Variants in CRACD observed in about 807,000 individuals in gnomAD.
CRACD encodes capping protein inhibiting regulator of actin dynamics.
A neutral mutation model predicts 106.8 loss-of-function variants in CRACD; 56 were observed. The ratio of observed to expected loss-of-function variants is 0.52; its 90% CI spans 0.42 to 0.66. The LOEUF (loss-of-function observed/expected upper bound fraction) is 0.66, where lower values mean the gene tolerates loss of function less well. Ranked by LOEUF, CRACD falls within the 30% of genes least tolerant of loss-of-function variation. The pLI, the probability that CRACD is intolerant of heterozygous loss-of-function variation, is 0.00. For missense variants in CRACD, 1,730 were observed against 1,623.2 expected (o/e 1.07, Z -1.13); for synonymous variants, 754 against 670.8 (o/e 1.12, Z -1.92).
rs1352382210 is a variant in CRACD at position 56,316,485 on chromosome 4, A to T, written c.2983A>T (p.Arg995Trp). ...LVELLSRRAG[R>W]PDPEPSEPSK... is the part of the protein sequence containing the mutation. ...AGAGCTGCTGTCTCGCCGAGCGGGG[A>T]GGCCGGACCCAGAGCCAAGTGAGCC... Residue 995 changes from arginine to tryptophan, a missense_variant, in exon 8 of 11, where the codon AGG becomes TGG. This residue lies in a region of CRACD where 1,620 missense variants were observed against 1,481.6 expected (regional missense o/e 1.09). Transcript: ENST00000682029. 1 of 1,613,858 alleles carries T rather than the reference A, an allele frequency of 6.2e-7. No individual in the cohort carries two copies. The highest frequency in any genetic ancestry group is 8.5e-7 in the Non-Finnish European group (1 of 1,179,816).
At chr4:56,243,956 C>G (rs899557150) in intron 2 of CRACD, among the ~76,000 whole-genome samples, 3 of 152,156 alleles carry the variant, frequency 2.0e-5, no homozygotes, top group Non-Finnish European at 4.4e-5. Context: ...TGGAACCATG[C>G]TTCTACTCTC....
intron 1 of CRACD, among the ~76,000 whole-genome samples, chr4:56,082,423 A>G (rs1261230860): frequency 6.6e-6 from 1 of 152,202 alleles, no homozygotes; most frequent in Admixed American, 6.5e-5. Context: ...TATGTTTTCA[A>G]ATTTCATTCT....
At chr4:56,204,254 T>TC in intron 2 of CRACD, among the ~76,000 whole-genome samples, 1 of 152,366 alleles carries the variant, frequency 6.6e-6, no homozygotes, top group Middle Eastern at 3.4e-3. Context: ...AGACTCTCCT[T>TC]CTGTTTTTCC....
Position 56,307,541 on chromosome 4 carries a change from T to C in CRACD, c.127T>C (p.Leu43=), listed in dbSNP as rs749499831. ...LGKVKTLQQQ[L]GKNIKFGQRS... ...TTCTTCTGTTTCTCTCCAGCAACAG[T>C]TGGGCAAGAATATCAAGTTTGGGCA... is the stretch of plus-strand genomic sequence containing the variant. The change falls in exon 5 of 11, where the codon TTG becomes CTG. Residue 43 remains leucine (L), a synonymous_variant. Coordinates refer to ENST00000682029, the MANE Select transcript of CRACD (RefSeq NM_001393381.1). The C allele has an allele frequency of 6.2e-6, 10 of 1,613,992 alleles. No homozygotes were observed. The highest frequency in any genetic ancestry group is 3.3e-5 in the South Asian group (3 of 91,062).
At chr4:56,297,259 G>A (rs886563026) in intron 3 of CRACD, among the ~76,000 whole-genome samples, 1 of 152,032 alleles carries the variant, frequency 6.6e-6, no homozygotes, top group African/African-American at 2.4e-5. Flanking sequence ...CATTTCACAC[G>A]GCTTATACCT....
At chr4:56,295,539 T>C (rs1743957187) in intron 3 of CRACD, among the ~76,000 whole-genome samples, 1 of 151,640 alleles carries the variant, frequency 6.6e-6, no homozygotes, top group Non-Finnish European at 1.5e-5. Context: ...TCTTAGCCTA[T>C]GTGGAAAAAT....
intron 2 of CRACD, among the ~76,000 whole-genome samples, chr4:56,223,548 T>A (rs1739157061): frequency 6.6e-6 from 1 of 152,190 alleles, no homozygotes; most frequent in Admixed American, 6.5e-5. Flanking sequence ...CTGGTGTGAG[T>A]GTGGTTCCAA....
chr4:56,280,283 T>TA (rs1410514955), intron 3 of CRACD, among the ~76,000 whole-genome samples: 3 of 151,474 alleles, frequency 2.0e-5, no homozygotes, highest in Non-Finnish European at 4.4e-5. Context: ...CCCTAAAACT[T>TA]AAAGTATAAT....
chr4:56,203,243 G>A lies in CRACD; in HGVS notation c.-189+23813G>A, dbSNP rs17086445. Among the ~76,000 whole-genome samples the A allele has an allele frequency of 8.4e-3, 1,282 of 152,304 alleles. 15 individuals carry two copies. The highest frequency in any genetic ancestry group is 0.028 in the African/African-American group (1,177 of 41,554). On this transcript the variant is annotated intron_variant, in intron 2 of 10. Coordinates refer to ENST00000682029, the MANE Select transcript of CRACD (RefSeq NM_001393381.1). ...TCCTGCTCTTTTGCACTGGCAGCCA[G>A]CCATAATCAGCAAGGGTCTGGCCAG...
intron 1 of CRACD, among the ~76,000 whole-genome samples, chr4:56,122,356 T>G (rs1035389757): frequency 7.1e-6 from 1 of 141,670 alleles, no homozygotes; most frequent in African/African-American, 2.6e-5. Flanking sequence ...AAAAAAAAAG[T>G]CAGGAAAAGC....
intron 2 of CRACD, among the ~76,000 whole-genome samples, chr4:56,255,458 A>T (rs374274357): frequency 0.024 from 3,602 of 151,884 alleles, 65 homozygotes; most frequent in South Asian, 0.099. Flanking sequence ...TTCAAAGAGT[A>T]CCAAATGGAG....
At chr4:56,129,491 A>G (rs1482112403) in intron 1 of CRACD, among the ~76,000 whole-genome samples, 2 of 152,192 alleles carry the variant, frequency 1.3e-5, no homozygotes, top group Admixed American at 6.5e-5. Flanking sequence ...CAGATTTGCA[A>G]TGACTTTACA....
intron 1 of CRACD, among the ~76,000 whole-genome samples, chr4:56,053,847 C>A (rs1482546856): frequency 6.6e-6 from 1 of 151,994 alleles, no homozygotes; most frequent in Non-Finnish European, 1.5e-5. Context: ...TTTGAGTAGC[C>A]ATATATTTCT....
rs149907173 is a variant in CRACD at position 56,200,367 on chromosome 4, T to A, written c.-189+20937T>A. Among the ~76,000 whole-genome samples the A allele has an allele frequency of 2.3e-3, 348 of 152,304 alleles. 1 individual carries two copies. The highest frequency in any genetic ancestry group is 8.2e-3 in the African/African-American group (340 of 41,576). On this transcript the variant is annotated intron_variant, in intron 2 of 10. Transcript: ENST00000682029. Reference sequence around the variant, plus strand: ...TGAGTCAGATTAGAAAGAAAAAGAATGGACATCTCTAACTATGCTTTCTCT... The same window carrying A: ...TGAGTCAGATTAGAAAGAAAAAGAAAGGACATCTCTAACTATGCTTTCTCT...
rs920753564 is a variant in CRACD, at chr4:56,316,019, G to A, written c.2517G>A (p.Glu839=). The stretch of plus-strand genomic sequence containing the variant: ...CAGACCCTGTGATGCCAGGTGGAGA[G>A]GAAAAAGCCTCACCGTTTGGAATAA... ...AKPDPVMPGG[E]EKASPFGIKL... is the part of the protein sequence containing the mutation. The change falls in exon 8 of 11, where the codon GAG becomes GAA. Residue 839 remains glutamate, a synonymous_variant. Transcript: ENST00000682029. The A allele has an allele frequency of 1.2e-6, 2 of 1,614,062 alleles. No homozygotes were observed. Among genetic ancestry groups the A allele is most frequent in the African/African-American group, 2.7e-5 (2 of 74,928 alleles).
At chr4:56,195,269 A>G (rs1460967306) in intron 2 of CRACD, among the ~76,000 whole-genome samples, 1 of 152,174 alleles carries the variant, frequency 6.6e-6, no homozygotes. Flanking sequence ...CAGTCAGAAC[A>G]TGGCTATAAA....
intron 1 of CRACD, among the ~76,000 whole-genome samples, chr4:56,176,467 C>T (rs890918273): frequency 4.0e-4 from 54 of 133,938 alleles, no homozygotes; most frequent in African/African-American, 1.3e-3. Flanking sequence ...CTTGCTCTGT[C>T]GTCCAGACTG....
chr4:56,319,662 A>G (rs1745932598), intron 8 of CRACD, among the ~76,000 whole-genome samples: 1 of 152,134 alleles, frequency 6.6e-6, no homozygotes, highest in Admixed American at 6.5e-5. Context: ...AAAAATAGAG[A>G]AATAGAAATT....
chr4:56,097,792 G>A (rs931791544), intron 1 of CRACD, among the ~76,000 whole-genome samples: 3 of 152,156 alleles, frequency 2.0e-5, no homozygotes, highest in Non-Finnish European at 2.9e-5. Flanking sequence ...AAAAAAGGAA[G>A]GGATAGAGAA....
Sources: allele counts gnomAD v4.1 joint callset (sites outside exome capture counted in the v4.1 genomes callset), GRCh38; gene constraint gnomAD v4.1.1; regional missense constraint gnomAD v4.1.1; transcripts MANE v1.5; gene names NCBI Gene and HGNC (gene_info 2026-07-23, HGNC 2026-07-21).